NELL2: variants seen among roughly 807,000 people sequenced by gnomAD.
NELL2 encodes the protein protein kinase C-binding protein NELL2.
Under a neutral mutation model 109.6 loss-of-function variants are expected in NELL2, and 41 were observed. The observed-to-expected ratio is 0.37, with a 90% CI of 0.29 to 0.49. NELL2 has a LOEUF of 0.49. NELL2 is among the 20% of genes least tolerant of loss of function. The pLI is 0.98. For synonymous variants in NELL2, 355 were observed against 344.7 expected (o/e 1.03, Z -0.33); for missense variants, 900 against 1,008.3 (o/e 0.89, Z 1.45).
chr12:44,789,131 A>G (rs1342104315), intron 3 of NELL2, among the ~76,000 whole-genome samples: 1 of 152,148 alleles, frequency 6.6e-6, no homozygotes, highest in Non-Finnish European at 1.5e-5. Flanking sequence ...ACTGCTGGGT[A>G]CTACCACAGC....
chr12:44,550,043 C>T (rs1592103396), intron 15 of NELL2, among the ~76,000 whole-genome samples: 1 of 152,200 alleles, frequency 6.6e-6, no homozygotes, highest in East Asian at 1.9e-4. Context: ...CAGAAACAGA[C>T]ACACAGACCA....
At chr12:44,739,921 T>A (rs982161402) in intron 9 of NELL2, among the ~76,000 whole-genome samples, 3 of 152,122 alleles carry the variant, frequency 2.0e-5, no homozygotes, top group Non-Finnish European at 4.4e-5. Flanking sequence ...AAACATGGTT[T>A]TATTAGAAGA....
At chr12:44,873,425 CA>C (rs756057568) in intron 2 of NELL2, among the ~76,000 whole-genome samples, 2 of 151,894 alleles carry the variant, frequency 1.3e-5, no homozygotes, top group Non-Finnish European at 2.9e-5. Context: ...TTTAATTAAC[CA>C]GGAAAAGTTA....
chr12:44,696,999 G>A (rs1949080004), intron 12 of NELL2, among the ~76,000 whole-genome samples: 1 of 152,132 alleles, frequency 6.6e-6, no homozygotes, highest in Non-Finnish European at 1.5e-5. Context: ...CTTAACATAG[G>A]TAGGCTCTTG....
At chr12:44,707,207 G>A (rs1937934153) in intron 11 of NELL2, among the ~76,000 whole-genome samples, 1 of 152,088 alleles carries the variant, frequency 6.6e-6, no homozygotes, top group Admixed American at 6.6e-5. Context: ...CAGTCCACTG[G>A]CCTGGACACA....
chr12:44,756,469 T>C (rs1940894467), intron 9 of NELL2, among the ~76,000 whole-genome samples: 1 of 151,994 alleles, frequency 6.6e-6, no homozygotes, highest in South Asian at 2.1e-4. Context: ...CATCCTCCCA[T>C]TCACAGCCAA....
intron 2 of NELL2, among the ~76,000 whole-genome samples, chr12:44,832,040 T>C (rs1328695650): frequency 2.0e-5 from 3 of 152,188 alleles, no homozygotes; most frequent in Admixed American, 6.5e-5. Context: ...TTTTTCTGTA[T>C]AAAAACAGAG....
intron 15 of NELL2, among the ~76,000 whole-genome samples, chr12:44,597,505 CT>C (rs1463755304): frequency 3.9e-5 from 6 of 152,314 alleles, no homozygotes; most frequent in African/African-American, 1.4e-4. Context: ...TTTGCATTTT[CT>C]TTTAAAGCTA....
chr12:44,705,463 G>T (rs2136424502), intron 11 of NELL2, among the ~76,000 whole-genome samples: 1 of 152,292 alleles, frequency 6.6e-6, no homozygotes, highest in South Asian at 2.1e-4. Context: ...AAACTGTCAT[G>T]ATTAAGGCTG....
intron 19 of NELL2, among the ~76,000 whole-genome samples, chr12:44,509,706 G>A (rs538559885): frequency 2.0e-5 from 3 of 152,270 alleles, no homozygotes; most frequent in Admixed American, 1.3e-4. Flanking sequence ...CAAAATTGTG[G>A]GGAATGAATT....
Position 44,835,053 on chromosome 12 carries a change from C to T in NELL2, c.185-18917G>A, listed in dbSNP as rs1372046650. Reference sequence around the variant, plus strand: ...AGAACAGGGAGGTCTCACAGTTTATCGGGGACACACTCTAGCTCAGACTCA... The same window carrying T: ...AGAACAGGGAGGTCTCACAGTTTATTGGGGACACACTCTAGCTCAGACTCA... On this transcript the variant is annotated intron_variant, in intron 2 of 19. Coordinates refer to ENST00000429094, the MANE Select transcript of NELL2 (RefSeq NM_001145108.2). Among the ~76,000 whole-genome samples, 3 of 152,166 alleles carry T rather than the reference C, an allele frequency of 2.0e-5. No individual in the cohort carries two copies. The East Asian group carries it at 5.8e-4, about 30-fold the overall frequency.
At chr12:44,819,203 T>G (rs1164497335) in intron 2 of NELL2, among the ~76,000 whole-genome samples, 2 of 152,012 alleles carry the variant, frequency 1.3e-5, no homozygotes, top group East Asian at 3.9e-4. Flanking sequence ...AAACTGTAGG[T>G]GAAGGGAAAC....
At chr12:44,706,556 T>G (rs1413683089) in intron 11 of NELL2, among the ~76,000 whole-genome samples, 1 of 152,204 alleles carries the variant, frequency 6.6e-6, no homozygotes, top group African/African-American at 2.4e-5. Context: ...GTACATTAAT[T>G]AACCTTTCTA....
Position 44,703,721 on chromosome 12 carries a change from A to G in NELL2, c.1318+5T>C. The G allele has an allele frequency of 6.2e-7, 1 of 1,613,216 alleles. No homozygotes were observed. The highest frequency in any genetic ancestry group is 8.5e-7 in the Non-Finnish European group (1 of 1,179,432). ...AGCTGAGCTACACATCATTACAAGGATTACCTTCACAGTAGGCATTATCCT... is the reference window on the plus strand; with the variant it reads ...AGCTGAGCTACACATCATTACAAGGGTTACCTTCACAGTAGGCATTATCCT... On this transcript the variant is annotated splice_donor_5th_base_variant and intron_variant, in intron 12 of 19. Transcript: ENST00000429094.
At chr12:44,622,748 G>A (rs532027010) in intron 13 of NELL2, among the ~76,000 whole-genome samples, 2 of 152,196 alleles carry the variant, frequency 1.3e-5, no homozygotes, top group South Asian at 4.1e-4. Flanking sequence ...ATTTTAAAGT[G>A]ATGAGACTAT....
rs200294857 is a variant in NELL2 at position 44,743,884 on chromosome 12, A to C, written c.995-29143T>G. The stretch of plus-strand genomic sequence containing the variant: ...TAACACCTCACTGTCAACATTAGAC[A>C]GATCAATGAGACAGAAAGTTAACAA... On this transcript the variant is annotated intron_variant, in intron 9 of 19. Coordinates refer to ENST00000429094, the MANE Select transcript of NELL2 (RefSeq NM_001145108.2). Among the ~76,000 whole-genome samples the C allele has an allele frequency of 1.0e-3, 154 of 152,308 alleles. 1 individual carries two copies. The East Asian group carries it at 0.018, about 18-fold the overall frequency.
intron 15 of NELL2, among the ~76,000 whole-genome samples, chr12:44,589,917 A>C (rs537446504): frequency 6.6e-6 from 1 of 152,192 alleles, no homozygotes; most frequent in South Asian, 2.1e-4. Context: ...CTGGTGTCCA[A>C]TTTCATTTTC....
At chr12:44,644,620 A>G (rs1418854850) in intron 13 of NELL2, among the ~76,000 whole-genome samples, 2 of 95,810 alleles carry the variant, frequency 2.1e-5, no homozygotes, top group South Asian at 6.6e-4. Context: ...ATATATATAT[A>G]TATATACATA....
At chr12:44,799,617 A>G (rs946167320) in intron 3 of NELL2, among the ~76,000 whole-genome samples, 10 of 152,062 alleles carry the variant, frequency 6.6e-5, no homozygotes, top group African/African-American at 2.4e-4. Flanking sequence ...TAATTTTTCC[A>G]CAGAATACAG....
Sources: gnomAD v4.1 joint callset for allele counts (sites outside exome capture counted in the v4.1 genomes callset) on GRCh38, gnomAD v4.1.1 for gene constraint, MANE v1.5 for transcripts, NCBI Gene and HGNC (gene_info 2026-07-23, HGNC 2026-07-21) for gene names.